The following TRMT1 variants were observed in gnomAD, a reference collection of about 807,000 sequenced individuals.
TRMT1 encodes the protein tRNA (guanine(26)-N(2))-dimethyltransferase.
TRMT1 carries 63 observed loss-of-function variants against 75.4 expected under a neutral mutation model. The observed-to-expected ratio is 0.84, with a 90% CI of 0.68 to 1.03. The LOEUF (loss-of-function observed/expected upper bound fraction) is 1.03, where lower values mean the gene tolerates loss of function less well. TRMT1 is among the 50% of genes least tolerant of loss of function. TRMT1 has a pLI of 0.00. For missense variants in TRMT1, 870 were observed against 905.3 expected (o/e 0.96, Z 0.50); for synonymous variants, 382 against 358.1 (o/e 1.07, Z -0.75).
At chr19:13,113,998 C>T (rs1282960219) in intron 5 of TRMT1, among the ~76,000 whole-genome samples, 1 of 152,150 alleles carries the variant, frequency 6.6e-6, no homozygotes, top group Non-Finnish European at 1.5e-5. Flanking sequence ...CCTGCCTTGG[C>T]CTCTCAAAAT....
At chr19:13,115,879 C>A (rs1187452007) in intron 3 of TRMT1, 111 bp from the exon 4 acceptor site, 3 of 1,604,904 alleles carry the variant, frequency 1.9e-6, no homozygotes, top group East Asian at 2.2e-5. Context: ...GCTGAAGGAG[C>A]AGAACCCAGG....
At chr19:13,110,332 C>T (rs1163629969) in intron 7 of TRMT1, 26 bp from the exon 8 acceptor site, 9 of 1,557,466 alleles carry the variant, frequency 5.8e-6, no homozygotes, top group South Asian at 1.2e-5. Flanking sequence ...GGGTGTCAGC[C>T]TCCCCTCCAC....
Position 13,107,852 on chromosome 19 carries a change from G to C in TRMT1, c.1405C>G (p.Leu469Val). The stretch of plus-strand genomic sequence containing the variant: ...GAGACCCGGAAGTCAGCGTGGAGGA[G>C]GGCCGACCTGGGGAACAGCAGGGAT... ...TPSLLQLRSA[L>V]LHADFRVSLS... The change falls in exon 13 of 17, where the codon CTC (leucine) becomes GTC (valine). Residue 469 changes from leucine (L) to valine (V), a missense_variant. Physicochemically the swap from Leu to Val is conservative, Grantham distance 32 (BLOSUM62 1). Coordinates refer to ENST00000357720, the MANE Select transcript of TRMT1 (RefSeq NM_001136035.4). 1 of 1,551,570 alleles carries C rather than the reference G, an allele frequency of 6.4e-7. No homozygotes were observed. The highest frequency in any genetic ancestry group is 8.7e-7 in the Non-Finnish European group (1 of 1,146,868).
chr19:13,115,465 T>C lies in TRMT1; in HGVS notation c.455A>G (p.Glu152Gly). 6.2e-7 allele frequency: 1 copy of C among 1,612,240 alleles called. No homozygotes were observed. Among genetic ancestry groups the C allele is most frequent in the Non-Finnish European group, 8.5e-7 (1 of 1,179,090 alleles). Reference sequence around the variant, plus strand: ...CAGGCCTTCCAGCACATGCAGGCCTTCCTGTTGGAGTAAGCAGAAAACCTC... The same window carrying C: ...CAGGCCTTCCAGCACATGCAGGCCTCCCTGTTGGAGTAAGCAGAAAACCTC... ...RTAAVGEICE[E>G]GLHVLEGLAA... Residue 152 changes from glutamate to glycine, a missense_variant and splice_region_variant, in exon 5 of 17, where the codon GAA becomes GGA. Transcript: ENST00000357720.
At chr19:13,108,258 G>A (rs1220300761) in intron 12 of TRMT1, among the ~76,000 whole-genome samples, 1 of 149,752 alleles carries the variant, frequency 6.7e-6, no homozygotes, top group Non-Finnish European at 1.5e-5. Flanking sequence ...CAAAGTGCTG[G>A]GATTACAGGA....
intron 14 of TRMT1, among the ~76,000 whole-genome samples, chr19:13,106,090 TCA>T (rs1223716304): frequency 2.0e-5 from 3 of 151,470 alleles, no homozygotes; most frequent in African/African-American, 7.3e-5. Flanking sequence ...ATACAGGGTC[TCA>T]CTCTGCTGCC....
rs932030687 is a variant in TRMT1, at chr19:13,109,678, C to T, written c.1183G>A (p.Gly395Ser). The T allele has an allele frequency of 6.2e-7, 1 of 1,613,980 alleles. No homozygotes were observed. The highest frequency in any genetic ancestry group is 8.5e-7 in the Non-Finnish European group (1 of 1,179,996). The change falls in exon 11 of 17, where the codon GGC becomes AGC. Residue 395 changes from glycine to serine, a missense_variant. Gly to Ser is a moderately conservative substitution (Grantham distance 56). Transcript: ENST00000357720. ...EHCGQRHQLG[G>S]PMWAEPIHDL... Reference sequence around the variant, plus strand: ...TGGATGGGCTCTGCCCACATGGGGCCACCAAGCTGGGGGCGCACCGGGGAC... The same window carrying T: ...TGGATGGGCTCTGCCCACATGGGGCTACCAAGCTGGGGGCGCACCGGGGAC...
At chr19:13,110,558 A>C (rs1216867826) in intron 7 of TRMT1, among the ~76,000 whole-genome samples, 1 of 152,236 alleles carries the variant, frequency 6.6e-6, no homozygotes. Context: ...GAAAGCATAG[A>C]TCCAACCTAT....
In TRMT1 at chr19:13,112,615, G is replaced by C; in HGVS notation, c.870+90C>G. 4.7e-6 allele frequency: 6 copies of C among 1,286,160 alleles called. 1 individual carries two copies. In the South Asian group the frequency reaches 7.9e-5, roughly 17 times the overall value. The allele number at this position is 1,286,160 out of a possible 1,614,324, so 79.7% of individuals were successfully genotyped here. The stretch of plus-strand genomic sequence containing the variant: ...CCATCAGCCTGGAGGAAGCTGAGCA[G>C]GTCTGAGGAGGGGGAAAGTGTATTG... On this transcript the variant is annotated intron_variant, in intron 7 of 16. Coordinates refer to ENST00000357720, the MANE Select transcript of TRMT1 (RefSeq NM_001136035.4).
Position 13,109,458 on chromosome 19 carries a change from C to G in TRMT1, c.1320G>C (p.Pro440=). ...GVLSVITEEL[P]DVPLYYTLDQ... is the part of the protein sequence containing the mutation. ...CCAGGGTGTAGTACAGAGGCACGTCCGGGAGCTCCTGCGATGGGGGACAGG... is the reference window on the plus strand; with the variant it reads ...CCAGGGTGTAGTACAGAGGCACGTCGGGGAGCTCCTGCGATGGGGGACAGG... The change falls in exon 12 of 17, where the codon CCG becomes CCC. Residue 440 remains proline (P), a synonymous_variant. Transcript: ENST00000357720. 2 of 1,613,868 alleles carry G rather than the reference C, an allele frequency of 1.2e-6. No homozygotes were observed. The highest frequency in any genetic ancestry group is 1.7e-6 in the Non-Finnish European group (2 of 1,180,006).
rs770737443 is a variant in TRMT1 at position 13,110,303 on chromosome 19, G to A, written c.874C>T (p.Leu292=). 2.8e-6 allele frequency: 3 copies of A among 1,068,348 alleles called. No homozygotes were observed. In the South Asian group the frequency reaches 3.9e-5, roughly 14 times the overall value. The allele number at this position is 1,068,348 out of a possible 1,614,324, so 66.2% of individuals were successfully genotyped here. ...LKSRACHEMA[L]RIVLHSLDLR... Reference sequence around the variant, plus strand: ...TCCAGGCTGTGCAGGACGATTCTCAGGGCCTGGGGGTGGGGGGTGGGTGTC... The same window carrying A: ...TCCAGGCTGTGCAGGACGATTCTCAAGGCCTGGGGGTGGGGGGTGGGTGTC... The change falls in exon 8 of 17, where the codon CTG becomes TTG. Residue 292 remains leucine (L), a synonymous_variant. Coordinates refer to ENST00000357720, the MANE Select transcript of TRMT1 (RefSeq NM_001136035.4).
At chr19:13,113,271 G>A (rs764966236) in intron 5 of TRMT1, among the ~76,000 whole-genome samples, 9 of 151,964 alleles carry the variant, frequency 5.9e-5, no homozygotes, top group Admixed American at 5.9e-4. Flanking sequence ...CAATTCTCGC[G>A]CCTCAGCCTC....
intron 5 of TRMT1, among the ~76,000 whole-genome samples, chr19:13,113,757 G>A (rs377584140): frequency 4.0e-5 from 6 of 151,584 alleles, no homozygotes; most frequent in Admixed American, 2.0e-4. Context: ...TTACAGGCAC[G>A]TGCCACCATG....
At chr19:13,108,990 C>T (rs549534496) in intron 12 of TRMT1, among the ~76,000 whole-genome samples, 2 of 147,318 alleles carry the variant, frequency 1.4e-5, no homozygotes, top group Non-Finnish European at 3.0e-5. Flanking sequence ...GATCATAGCT[C>T]ACTTTAGCAT....
In TRMT1 at chr19:13,109,304, T is replaced by C; in HGVS notation, c.1397+77A>G. The C allele has an allele frequency of 1.3e-5, 20 of 1,537,352 alleles. 1 individual carries two copies. The South Asian group carries it at 1.6e-4, about 12-fold the overall frequency. ...TCTCCCCACCCCCTCGCAAGTTCTA[T>C]GCATGAGAATCCCTGGACTTGCCCC... On this transcript the variant is annotated intron_variant, in intron 12 of 16. Transcript: ENST00000357720.
chr19:13,114,410 T>C (rs1036965910), intron 5 of TRMT1, among the ~76,000 whole-genome samples: 25 of 152,224 alleles, frequency 1.6e-4, no homozygotes, highest in Non-Finnish European at 2.9e-5. Context: ...CTCATGCCTA[T>C]AATCCCACCA....
chr19:13,116,625 C>T (rs2019376988), intron 1 of TRMT1, 28 bp downstream of exon 1: 1 of 617,596 alleles, frequency 1.6e-6, no homozygotes, highest in Non-Finnish European at 2.8e-6. Flanking sequence ...GTCCGAATCC[C>T]TCCCCGCGCT....
intron 12 of TRMT1, 37 bp downstream of exon 12, chr19:13,109,344 T>C: frequency 4.4e-6 from 7 of 1,608,774 alleles, no homozygotes; most frequent in Non-Finnish European, 5.9e-6. Context: ...CACCCTGTGG[T>C]CTGGGACAGG....
rs761813897 is a variant in TRMT1, at chr19:13,109,562, G to T, written c.1299C>A (p.Ser433Arg). Residue 433 changes from serine to arginine, a missense_variant, in exon 11 of 17, where the codon AGC becomes AGA. Ser to Arg is a moderately radical substitution (Grantham distance 110). Coordinates refer to ENST00000357720, the MANE Select transcript of TRMT1 (RefSeq NM_001136035.4). Reference sequence around the variant, plus strand: ...GCCCGGCTCTCACCTCAGTGATGACGCTCAGGACCCCTCGGATCCGCTCCG... The same window carrying T: ...GCCCGGCTCTCACCTCAGTGATGACTCTCAGGACCCCTCGGATCCGCTCCG... ...HTSERIRGVL[S>R]VITEELPDVP... 4.3e-6 allele frequency: 7 copies of T among 1,613,890 alleles called. No homozygotes were observed. The highest frequency in any genetic ancestry group is 5.9e-6 in the Non-Finnish European group (7 of 1,179,990).
Sources: allele counts gnomAD v4.1 joint callset (sites outside exome capture counted in the v4.1 genomes callset), GRCh38; gene constraint gnomAD v4.1.1; transcripts MANE v1.5; gene names NCBI Gene and HGNC (gene_info 2026-07-23, HGNC 2026-07-21).